The following HTT variants were observed in gnomAD, a reference collection of about 807,000 sequenced individuals.
HTT encodes the protein huntington disease protein.
HTT carries 104 observed loss-of-function variants against 362.3 expected under a neutral mutation model. The observed-to-expected ratio is 0.29, with a 90% CI of 0.24 to 0.34. The LOEUF (loss-of-function observed/expected upper bound fraction) is 0.34, where lower values mean the gene tolerates loss of function less well. Ranked by LOEUF, HTT falls within the 10% of genes least tolerant of loss-of-function variation. HTT has a pLI of 1.00. For missense variants in HTT, 3,301 were observed against 3,928.6 expected (o/e 0.84, Z 4.27); for synonymous variants, 1,577 against 1,548.7 (o/e 1.02, Z -0.43).
chr4:3,201,991 A>G lies in HTT; in HGVS notation c.5577-2016A>G, dbSNP rs34859177. ...CCTCTCAGGCTGGCTCCCAGATGGG[A>G]GCTGGCTCCAGGCGACACTGGGTGC... On this transcript the variant is annotated intron_variant, in intron 41 of 66. Coordinates refer to ENST00000355072, the MANE Select transcript of HTT (RefSeq NM_001388492.1). Among the ~76,000 whole-genome samples the G allele has an allele frequency of 1.8e-3, 275 of 152,156 alleles. 1 individual carries two copies. The highest frequency in any genetic ancestry group is 2.8e-3 in the Non-Finnish European group (192 of 68,002).
intron 36 of HTT, among the ~76,000 whole-genome samples, chr4:3,181,655 A>T (rs1307744347): frequency 6.6e-6 from 1 of 152,130 alleles, no homozygotes; most frequent in African/African-American, 2.4e-5. Context: ...TCATATTTTA[A>T]TGAACCCCTG....
rs1018321415 is a variant in HTT at position 3,174,609 on chromosome 4, C to T, written c.4167-112C>T. ...TTTCAAGTTGTTTCTCAATCTGACA[C>T]GTTCTGATCGTGTGAATGTGAAATT... On this transcript the variant is annotated intron_variant, in intron 31 of 66. Transcript: ENST00000355072. The T allele has an allele frequency of 2.2e-5, 17 of 781,264 alleles. No homozygotes were observed. The East Asian group carries it at 2.4e-4, about 11-fold the overall frequency. The allele number at this position is 781,264 out of a possible 1,614,324, so 48.4% of individuals were successfully genotyped here.
At position 3,121,389 on chromosome 4, in the gene HTT, G is replaced by A. The variant is rs1326805199; in HGVS notation, c.1230G>A (p.Glu410=). The A allele has an allele frequency of 6.2e-7, 1 of 1,614,178 alleles. No individual in the cohort carries two copies. The highest frequency in any genetic ancestry group is 8.5e-7 in the Non-Finnish European group (1 of 1,180,014). ...GGCAGCTCACCGCTGCTAAGGAGGA[G>A]TCTGGTGGCCGAAGCCGTAGTGGGA... The part of the protein sequence containing the change: ...GIGQLTAAKE[E]SGGRSRSGSI... The change falls in exon 9 of 67, where the codon GAG becomes GAA. Residue 410 remains glutamate, a synonymous_variant. Transcript: ENST00000355072.
At chr4:3,238,044 C>A (rs999522953) in intron 64 of HTT, among the ~76,000 whole-genome samples, 2 of 152,178 alleles carry the variant, frequency 1.3e-5, no homozygotes, top group Non-Finnish European at 2.9e-5. Flanking sequence ...ACATCCTTCC[C>A]GCTGCGCCGT....
chr4:3,217,929 A>G lies in HTT; in HGVS notation c.7219A>G (p.Ser2407Gly), dbSNP rs762215546. The G allele has an allele frequency of 1.9e-6, 3 of 1,612,670 alleles. No homozygotes were observed. The South Asian group carries it at 3.3e-5, about 18-fold the overall frequency. ...CCTGGCCCGCCTGCCCCTTGTCAACAGCTACACACGTGTGCCCCCACTGGT... is the reference window on the plus strand; with the variant it reads ...CCTGGCCCGCCTGCCCCTTGTCAACGGCTACACACGTGTGCCCCCACTGGT... ...ISLARLPLVN[S>G]YTRVPPLVWK... The change falls in exon 52 of 67, where the codon AGC becomes GGC. Residue 2407 changes from serine (S) to glycine (G), a missense_variant. This residue lies in a region of HTT where 753 missense variants were observed against 1,021.3 expected (regional missense o/e 0.74). Transcript: ENST00000355072.
At chr4:3,198,215 ATTTTTTTTTTTTTTT>A (rs200014691) in intron 40 of HTT, among the ~76,000 whole-genome samples, 3,893 of 60,686 alleles carry the variant, frequency 0.064, 152 homozygotes, top group Admixed American at 0.21. Flanking sequence ...GGATGTGTTG[ATTTTTTTTTTTTTTT>A]TTTTTTTTTT....
intron 40 of HTT, among the ~76,000 whole-genome samples, chr4:3,190,884 C>T (rs887914993): frequency 5.3e-5 from 8 of 152,216 alleles, no homozygotes; most frequent in African/African-American, 1.4e-4. Flanking sequence ...GGGATAGGCA[C>T]GTCTTTCTTC....
chr4:3,123,290 T>C, intron 10 of HTT: 1 of 186,960 alleles, frequency 5.3e-6, no homozygotes, highest in Non-Finnish European at 1.1e-5. Flanking sequence ...AGCTCTGCCC[T>C]GTGACAGGAA....
chr4:3,154,373 A>C lies in HTT; in HGVS notation c.3579A>C (p.Gln1193His), dbSNP rs770722828. ...GGAAGGAGAAAGAACCAGGAGAACA[A>C]GCATCTGTACCGTTGAGTCCCAAGA... ...RKGKEKEPGEQASVPLSPKKG... is the reference protein window; with the variant it reads ...RKGKEKEPGEHASVPLSPKKG... The change falls in exon 27 of 67, where the codon CAA becomes CAC. Residue 1193 changes from glutamine (Q) to histidine (H), a missense_variant. Gln to His is a conservative substitution (Grantham distance 24, BLOSUM62 0). Around this residue, in one of 4 missense-constraint regions of HTT, gnomAD observed 2,316 missense variants for 2,658.5 expected, o/e 0.87. Transcript: ENST00000355072. 2 of 1,613,944 alleles carry C rather than the reference A, an allele frequency of 1.2e-6. No homozygotes were observed. Among genetic ancestry groups the C allele is most frequent in the East Asian group, 4.5e-5 (2 of 44,880 alleles).
At chr4:3,164,228 G>A (rs904117209) in intron 29 of HTT, among the ~76,000 whole-genome samples, 10 of 152,188 alleles carry the variant, frequency 6.6e-5, no homozygotes, top group African/African-American at 1.9e-4. Flanking sequence ...CCATGTAGTT[G>A]TGTGGTTTTG....
chr4:3,222,875 C>T (rs362275), intron 54 of HTT, among the ~76,000 whole-genome samples: 37,574 of 152,112 alleles, frequency 0.25, 5,743 homozygotes, highest in East Asian at 0.39. Context: ...GAGATTTTAT[C>T]AGGCTTCTTG....
At chr4:3,096,134 A>G (rs1164180932) in intron 2 of HTT, among the ~76,000 whole-genome samples, 1 of 152,250 alleles carries the variant, frequency 6.6e-6, no homozygotes, top group Non-Finnish European at 1.5e-5. Context: ...CCAGGATGAG[A>G]TGGTCATTTC....
chr4:3,238,473 C>G lies in HTT; in HGVS notation c.8918C>G (p.Ala2973Gly). 6.2e-7 allele frequency: 1 copy of G among 1,612,198 alleles called. No homozygotes were observed. Among genetic ancestry groups the G allele is most frequent in the Non-Finnish European group, 8.5e-7 (1 of 1,179,074 alleles). The change falls in exon 65 of 67, where the codon GCC (alanine) becomes GGC (glycine). Residue 2973 changes from alanine (A) to glycine (G), a missense_variant. Ala to Gly is a moderately conservative substitution (Grantham distance 60). Transcript: ENST00000355072. ...ATCAGGAAAGGCTTTCCTTGTGAAG[C>G]CAGAGTGGTGGCCAGGATCCTGCCC... ...DRIRKGFPCE[A>G]RVVARILPQF...
chr4:3,145,858 G>C (rs917920703), intron 24 of HTT, among the ~76,000 whole-genome samples: 11 of 152,152 alleles, frequency 7.2e-5, no homozygotes, highest in African/African-American at 2.7e-4. Context: ...TACATTATCT[G>C]CTCTAGAATG....
At chr4:3,182,332 C>T in intron 36 of HTT, 22 bp from the exon 37 acceptor site, 1 of 1,521,710 alleles carries the variant, frequency 6.6e-7, no homozygotes, top group East Asian at 2.3e-5. Flanking sequence ...AGCAGACTTT[C>T]TAATTGTGCA....
In HTT at chr4:3,160,410, T is replaced by A; in HGVS notation, c.3864+18T>A. 6.8e-7 allele frequency: 1 copy of A among 1,473,252 alleles called. No individual in the cohort carries two copies. The highest frequency in any genetic ancestry group is 2.5e-5 in the East Asian group (1 of 40,652). 91.3% of individuals were successfully genotyped at this position (1,473,252 alleles called of 1,614,324 possible). A position where few individuals can be genotyped will look rare whatever the true frequency, so the allele number is the denominator to read the frequency against. ...TTGGGAAGGTTTGTGTCTTGTTTTT[T>A]CTCCTTGGGTTGTGGCTGGCACACT... is the stretch of plus-strand genomic sequence containing the variant. On this transcript the variant is annotated intron_variant, in intron 29 of 66. Transcript: ENST00000355072.
chr4:3,212,033 G>A lies in HTT; in HGVS notation c.6519G>A (p.Leu2173=). The change falls in exon 48 of 67, where the codon CTG becomes CTA. Residue 2173 remains leucine, a synonymous_variant. Transcript: ENST00000355072. ...ALFEAAREVT[L]ARVSGTVQQL... ...TTGAAGCAGCCCGTGAGGTGACTCT[G>A]GCCCGTGTGAGCGGCACCGTGCAGC... 3.1e-6 allele frequency: 5 copies of A among 1,614,194 alleles called. No individual in the cohort carries two copies. The highest frequency in any genetic ancestry group is 4.2e-6 in the Non-Finnish European group (5 of 1,180,034).
At chr4:3,130,123 CAAG>C (rs1305166735) in intron 13 of HTT, 76 bp downstream of exon 13, 2 of 1,424,300 alleles carry the variant, frequency 1.4e-6, no homozygotes, top group Non-Finnish European at 1.9e-6. Flanking sequence ...TCTTTGCTTC[CAAG>C]AAGAAGTCCT....
chr4:3,162,516 A>G (rs1483705045), intron 29 of HTT, among the ~76,000 whole-genome samples: 1 of 152,238 alleles, frequency 6.6e-6, no homozygotes, highest in Non-Finnish European at 1.5e-5. Flanking sequence ...TACTTTGGGC[A>G]GCAAGGCCAT....
Sources: gnomAD v4.1 joint callset for allele counts (sites outside exome capture counted in the v4.1 genomes callset) on GRCh38, gnomAD v4.1.1 for gene constraint, gnomAD v4.1.1 regional missense constraint, MANE v1.5 for transcripts, NCBI Gene and HGNC (gene_info 2026-07-23, HGNC 2026-07-21) for gene names.